Variants in CBR4 observed in about 807,000 individuals in gnomAD.
CBR4 encodes 3-oxoacyl-[acyl-carrier-protein] reductase.
CBR4 carries 22 observed loss-of-function variants against 21.0 expected under a neutral mutation model. The observed-to-expected ratio is 1.05, with a 90% CI of 0.75 to 1.50. The LOEUF is 1.50. Ranked by LOEUF, CBR4 falls within the 40% of genes most tolerant of loss-of-function variation. The pLI, the probability that CBR4 is intolerant of heterozygous loss-of-function variation, is 0.00. For synonymous variants in CBR4, 100 were observed against 104.4 expected (o/e 0.96, Z 0.26); for missense variants, 302 against 286.3 (o/e 1.05, Z -0.40).
chr4:168,944,528 A>C (rs1763350776), intron 2 of CBR4, among the ~76,000 whole-genome samples: 1 of 152,006 alleles, frequency 6.6e-6, no homozygotes, highest in Non-Finnish European at 1.5e-5. Flanking sequence ...AAAAGAAAAA[A>C]GTTTTATGAG....
intron 2 of CBR4, among the ~76,000 whole-genome samples, chr4:168,897,013 C>G (rs1755345691): frequency 6.6e-6 from 1 of 151,856 alleles, no homozygotes; most frequent in African/African-American, 2.4e-5. Context: ...GTATTTTTAG[C>G]AGAGATGGGG....
intron 2 of CBR4, among the ~76,000 whole-genome samples, chr4:168,913,169 CTCTG>C (rs997076941): frequency 4.2e-5 from 6 of 143,382 alleles, no homozygotes; most frequent in African/African-American, 1.5e-4. Flanking sequence ...CAGAGTCTTG[CTCTG>C]TCACCCAGGC....
intron 2 of CBR4, among the ~76,000 whole-genome samples, chr4:168,907,783 A>G (rs557726710): frequency 2.0e-5 from 3 of 152,216 alleles, no homozygotes; most frequent in African/African-American, 7.2e-5. Flanking sequence ...AGAATATCCT[A>G]TCCAACCTGT....
chr4:168,903,917 G>C, intron 2 of CBR4: 1 of 1,612,908 alleles, frequency 6.2e-7, no homozygotes, highest in East Asian at 2.2e-5. Flanking sequence ...GTAAAGAAGG[G>C]TATAGGTCTG....
chr4:168,944,150 G>T (rs1267708945), intron 2 of CBR4, among the ~76,000 whole-genome samples: 1 of 151,906 alleles, frequency 6.6e-6, no homozygotes. Context: ...CACTCATAAA[G>T]TTTTGAGTTT....
At chr4:168,994,898 G>A (rs1765115107) in intron 4 of CBR4, among the ~76,000 whole-genome samples, 1 of 151,924 alleles carries the variant, frequency 6.6e-6, no homozygotes, top group South Asian at 2.1e-4. Flanking sequence ...AGGATTACAC[G>A]CATGCATCAC....
chr4:168,990,996 G>A (rs1285378407), intron 4 of CBR4, among the ~76,000 whole-genome samples: 1 of 152,082 alleles, frequency 6.6e-6, no homozygotes, highest in Non-Finnish European at 1.5e-5. Context: ...GGAGGTTGGA[G>A]TGAGCCGAGA....
At chr4:168,895,631 A>G (rs1467548131) in intron 2 of CBR4, among the ~76,000 whole-genome samples, 1 of 152,232 alleles carries the variant, frequency 6.6e-6, no homozygotes, top group Non-Finnish European at 1.5e-5. Context: ...AAAGGTCTTC[A>G]TCCTCATTGT....
intron 2 of CBR4, among the ~76,000 whole-genome samples, chr4:168,944,538 G>A (rs1763351298): frequency 6.6e-6 from 1 of 151,924 alleles, no homozygotes; most frequent in Admixed American, 6.6e-5. Flanking sequence ...AGTTTTATGA[G>A]TTTACTCTCA....
intron 2 of CBR4, among the ~76,000 whole-genome samples, chr4:168,934,273 C>CAAAAAAAAA (rs1206272373): frequency 1.6e-3 from 17 of 10,656 alleles, no homozygotes; most frequent in East Asian, 6.0e-3. Context: ...ACTAGAAAAG[C>CAAAAAAAAA]AAAAAAAACA....
At chr4:168,960,391 A>G (rs1763813894) in intron 2 of CBR4, among the ~76,000 whole-genome samples, 1 of 152,232 alleles carries the variant, frequency 6.6e-6, no homozygotes, top group African/African-American at 2.4e-5. Flanking sequence ...AATCTAGTGG[A>G]AAAATGAGTA....
chr4:168,931,921 T>C (rs762804879), intron 2 of CBR4, among the ~76,000 whole-genome samples: 18 of 150,708 alleles, frequency 1.2e-4, no homozygotes, highest in South Asian at 4.3e-4. Flanking sequence ...ACTGACACTA[T>C]AAGATCCTCC....
chr4:168,955,798 A>G (rs1377011818), intron 2 of CBR4, among the ~76,000 whole-genome samples: 1 of 152,196 alleles, frequency 6.6e-6, no homozygotes, highest in Non-Finnish European at 1.5e-5. Context: ...GGCCTAGAGC[A>G]TAAAAGCTGC....
chr4:168,942,002 G>C (rs1763277097), intron 2 of CBR4, among the ~76,000 whole-genome samples: 1 of 152,094 alleles, frequency 6.6e-6, no homozygotes, highest in African/African-American at 2.4e-5. Context: ...ATAAATGATA[G>C]ACTCGATAAA....
In CBR4 at chr4:168,987,730, A is replaced by G; in HGVS notation, c.*2420T>C. ...CAATGTTAAGGTACAACTCTTGAAT[A>G]TGCAGCGTAGTCTTCTCTCTTTATT... On this transcript the variant is annotated 3_prime_UTR_variant, in exon 5 of 5. Coordinates refer to ENST00000306193, the MANE Select transcript of CBR4 (RefSeq NM_032783.5). 1.0e-6 allele frequency: 1 copy of G among 985,074 alleles called. No homozygotes were observed. Among genetic ancestry groups the G allele is most frequent in the Non-Finnish European group, 1.2e-6 (1 of 829,590 alleles). 61.0% of individuals were successfully genotyped at this position (985,074 alleles called of 1,614,324 possible).
chr4:168,995,969 A>G (rs1765179931), intron 4 of CBR4, among the ~76,000 whole-genome samples: 1 of 152,208 alleles, frequency 6.6e-6, no homozygotes. Context: ...TGAATCCAAC[A>G]TGATTACAAG....
At chr4:168,940,270 AC>A (rs1419248667) in intron 2 of CBR4, among the ~76,000 whole-genome samples, 1 of 152,156 alleles carries the variant, frequency 6.6e-6, no homozygotes, top group Non-Finnish European at 1.5e-5. Context: ...CCTTCCTTAC[AC>A]CTTATACAAA....
intron 2 of CBR4, among the ~76,000 whole-genome samples, chr4:168,897,267 T>G (rs987172364): frequency 6.6e-6 from 1 of 152,258 alleles, no homozygotes; most frequent in African/African-American, 2.4e-5. Context: ...AGTAATTAGA[T>G]GAAGCAAAAC....
At chr4:168,994,118 T>A (rs34399018) in intron 4 of CBR4, among the ~76,000 whole-genome samples, 23,058 of 152,152 alleles carry the variant, frequency 0.15, 1,944 homozygotes, top group African/African-American at 0.22. Context: ...TTCACCCACA[T>A]ATTTACTGAC....
Sources: gnomAD v4.1 joint callset for allele counts (sites outside exome capture counted in the v4.1 genomes callset) on GRCh38, gnomAD v4.1.1 for gene constraint, MANE v1.5 for transcripts, NCBI Gene and HGNC (gene_info 2026-07-23, HGNC 2026-07-21) for gene names.